The following CRACR2A variants were observed in gnomAD, a reference collection of about 807,000 sequenced individuals.
CRACR2A encodes calcium release activated channel regulator 2A, also known as EF-hand calcium-binding domain-containing protein 4B.
Under a neutral mutation model 90.5 loss-of-function variants are expected in CRACR2A, and 79 were observed. That is an observed-to-expected ratio of 0.87 (90% CI 0.73 to 1.05). The LOEUF is 1.05. Ranked by LOEUF, CRACR2A falls within the 50% of genes least tolerant of loss-of-function variation. The pLI is 0.00. For missense variants in CRACR2A, 823 were observed against 897.2 expected, an observed-to-expected ratio of 0.92 and a Z score of 1.06; for synonymous variants, 338 against 356.7, an observed-to-expected ratio of 0.95 and a Z score of 0.59.
chr12:3,639,417 A>T (rs1320842572), intron 13 of CRACR2A, among the ~76,000 whole-genome samples: 1 of 145,484 alleles, frequency 6.9e-6, no homozygotes, highest in African/African-American at 2.6e-5. Flanking sequence ...AAATTGTCTT[A>T]AAGGAAGTTT....
chr12:3,694,078 T>C (rs200527963), intron 4 of CRACR2A, among the ~76,000 whole-genome samples: 2 of 152,162 alleles, frequency 1.3e-5, no homozygotes, highest in East Asian at 3.9e-4. Context: ...GGTAGCCCCA[T>C]GCAGGATTCC....
chr12:3,673,981 A>G (rs1436416440), intron 6 of CRACR2A, among the ~76,000 whole-genome samples: 1 of 152,110 alleles, frequency 6.6e-6, no homozygotes, highest in Non-Finnish European at 1.5e-5. Flanking sequence ...GGCCTTCACG[A>G]CGGGCTCGTG....
chr12:3,687,815 G>A (rs1207468326), intron 4 of CRACR2A, among the ~76,000 whole-genome samples: 1 of 152,206 alleles, frequency 6.6e-6, no homozygotes, highest in Non-Finnish European at 1.5e-5. Flanking sequence ...CCAACAGTGT[G>A]TAAGTGTTCC....
intron 3 of CRACR2A, among the ~76,000 whole-genome samples, chr12:3,709,957 T>C (rs1234890325): frequency 1.3e-5 from 2 of 152,232 alleles, no homozygotes; most frequent in Non-Finnish European, 2.9e-5. Context: ...CATTCCCAGA[T>C]ATAATATGAT....
At position 3,750,412 on chromosome 12, in the gene CRACR2A, T is replaced by C. The variant is rs373623728; in HGVS notation, c.-387+2603A>G. Among the ~76,000 whole-genome samples, 12 of 152,302 alleles carry C rather than the reference T, an allele frequency of 7.9e-5. 1 individual carries two copies. The highest frequency in any genetic ancestry group is 3.9e-4 in the East Asian group (2 of 5,178). On this transcript the variant is annotated intron_variant, in intron 1 of 19. Coordinates refer to ENST00000440314, the MANE Select transcript of CRACR2A (RefSeq NM_001144958.2). ...AGACTCAGTTTCTCCATCCGTAAAA[T>C]AGGGCAGACTTGTCTCTAGAACACC...
intron 7 of CRACR2A, chr12:3,672,882 G>A (rs1258643124): frequency 1.2e-6 from 1 of 824,726 alleles, no homozygotes; most frequent in East Asian, 1.2e-4. Flanking sequence ...GCCGTGACGG[G>A]AGAGAGCGGC....
chr12:3,638,341 C>T lies in CRACR2A; in HGVS notation c.1385G>A (p.Gly462Asp), dbSNP rs1163393122. ...EPGTGEPGPG[G>D]PYPRPLRRII... is the part of the protein sequence containing the mutation. ...TCTGCGGAGCGGCCGGGGGTACGGA[C>T]CCCCAGGCCCTGGCTCCCCGGTTCC... Residue 462 changes from glycine to aspartate, a missense_variant, in exon 14 of 20, where the codon GGT (glycine) becomes GAT (aspartate). By Grantham distance (94) the Gly-to-Asp change is moderately conservative. Coordinates refer to ENST00000440314, the MANE Select transcript of CRACR2A (RefSeq NM_001144958.2). 35 of 1,551,432 alleles carry T rather than the reference C, an allele frequency of 2.3e-5. No homozygotes were observed. Among genetic ancestry groups the T allele is most frequent in the Non-Finnish European group, 2.9e-5 (33 of 1,146,952 alleles).
At chr12:3,718,253 C>A (rs905938401) in intron 2 of CRACR2A, among the ~76,000 whole-genome samples, 1 of 152,204 alleles carries the variant, frequency 6.6e-6, no homozygotes, top group Non-Finnish European at 1.5e-5. Context: ...CTCGCCTGAA[C>A]CCACAGACTA....
intron 1 of CRACR2A, among the ~76,000 whole-genome samples, chr12:3,738,041 C>T (rs577216063): frequency 3.3e-5 from 5 of 152,362 alleles, no homozygotes; most frequent in South Asian, 4.1e-4. Flanking sequence ...CATCACAACA[C>T]CCTATGCACT....
At chr12:3,640,702 A>G (rs1381038342) in intron 13 of CRACR2A, 1 of 1,305,262 alleles carries the variant, frequency 7.7e-7, no homozygotes, top group Admixed American at 2.3e-5. Flanking sequence ...TATCTTTTTC[A>G]TTTCATGCTT....
chr12:3,673,273 G>A (rs1405992347), intron 7 of CRACR2A, among the ~76,000 whole-genome samples, 173 bp downstream of exon 7: 9 of 152,192 alleles, frequency 5.9e-5, no homozygotes, highest in South Asian at 2.1e-4. Context: ...AAAAGGTGAC[G>A]GAGAGCTTAA....
chr12:3,680,428 G>A, intron 4 of CRACR2A, 79 bp from the exon 5 acceptor site: 1 of 1,256,756 alleles, frequency 8.0e-7, no homozygotes, highest in Non-Finnish European at 1.2e-6. Flanking sequence ...AGAGCCTTCT[G>A]CCAGAAAGTG....
intron 15 of CRACR2A, among the ~76,000 whole-genome samples, chr12:3,631,288 T>C (rs1944371739): frequency 6.6e-6 from 1 of 152,216 alleles, no homozygotes; most frequent in Non-Finnish European, 1.5e-5. Flanking sequence ...CAAATGAGTC[T>C]GATTTTCTAT....
chr12:3,696,826 G>A lies in CRACR2A; in HGVS notation c.174C>T (p.Phe58=). The change falls in exon 4 of 20, where the codon TTC becomes TTT. Residue 58 remains phenylalanine (F), a synonymous_variant. Transcript: ENST00000440314. ...QLVMLRKAQE[F]FQTCDAEGKG... is the part of the protein sequence containing the mutation. ...TGCCTTCAGCATCACAGGTCTGAAA[G>A]AACTCCTGTGCCTTCCTCAGCATGA... The A allele has an allele frequency of 6.2e-7, 1 of 1,614,208 alleles. No individual in the cohort carries two copies. The highest frequency in any genetic ancestry group is 8.5e-7 in the Non-Finnish European group (1 of 1,180,040).
At chr12:3,617,955 TGCA>T (rs780048252) in intron 18 of CRACR2A, among the ~76,000 whole-genome samples, 1 of 152,198 alleles carries the variant, frequency 6.6e-6, no homozygotes, top group African/African-American at 2.4e-5. Context: ...TCTCCTTGTC[TGCA>T]TTTCTCTCAG....
intron 1 of CRACR2A, among the ~76,000 whole-genome samples, chr12:3,749,896 G>A (rs1289901947): frequency 2.0e-5 from 3 of 150,874 alleles, no homozygotes; most frequent in African/African-American, 4.9e-5. Context: ...TTGAATGCTA[G>A]ACCTGTCTAT....
At chr12:3,751,279 C>A (rs984507392) in intron 1 of CRACR2A, among the ~76,000 whole-genome samples, 1 of 152,150 alleles carries the variant, frequency 6.6e-6, no homozygotes, top group African/African-American at 2.4e-5. Context: ...ACCCCCAAGC[C>A]TTTTAGCCCC....
intron 3 of CRACR2A, among the ~76,000 whole-genome samples, chr12:3,703,369 G>C (rs1945864078): frequency 6.6e-6 from 1 of 152,206 alleles, no homozygotes; most frequent in Non-Finnish European, 1.5e-5. Flanking sequence ...ACAGGCATGA[G>C]CCACCGCACC....
intron 11 of CRACR2A, among the ~76,000 whole-genome samples, chr12:3,647,574 T>C (rs138422577): frequency 3.3e-4 from 50 of 152,326 alleles, no homozygotes; most frequent in African/African-American, 1.2e-3. Flanking sequence ...GCAAATGGAT[T>C]ATAGCCTGGT....
Sources: gnomAD v4.1 joint callset for allele counts (sites outside exome capture counted in the v4.1 genomes callset) on GRCh38, gnomAD v4.1.1 for gene constraint, MANE v1.5 for transcripts, NCBI Gene and HGNC (gene_info 2026-07-23, HGNC 2026-07-21) for gene names.